FAM120B: variants seen among roughly 807,000 people sequenced by gnomAD.
FAM120B encodes constitutive coactivator of peroxisome proliferator-activated receptor gamma.
FAM120B carries 83 observed loss-of-function variants against 96.3 expected under a neutral mutation model. The observed-to-expected ratio is 0.86, with a 90% CI of 0.72 to 1.03. FAM120B has a LOEUF of 1.03. Ranked by LOEUF, FAM120B falls within the 50% of genes least tolerant of loss-of-function variation. The probability of loss-of-function intolerance (pLI) is 0.00; values close to 1 mark genes in which losing one functional copy is unlikely to be tolerated. For missense variants in FAM120B, 1,027 were observed against 1,121.2 expected (o/e 0.92, Z 1.20); for synonymous variants, 407 against 402.7 (o/e 1.01, Z -0.13).
chr6:170,316,820 G>A (rs1439350754), intron 1 of FAM120B, among the ~76,000 whole-genome samples: 1 of 152,096 alleles, frequency 6.6e-6, no homozygotes, highest in Non-Finnish European at 1.5e-5. Context: ...AATCCTTCCC[G>A]CCACTGTCTG....
At chr6:170,294,690 G>A (rs543969677), upstream of FAM120B, among the ~76,000 whole-genome samples, 2 of 152,002 alleles carry the variant, frequency 1.3e-5, no homozygotes, top group Non-Finnish European at 1.5e-5. This position sits in a 1 kb window ranked among gnomAD's most constrained non-coding sequence, Gnocchi z 7.9. Context: ...CTCCAGGTTC[G>A]TGTGTGGTGG....
At chr6:170,401,974 C>G (rs1417769876) in intron 9 of FAM120B, among the ~76,000 whole-genome samples, 1 of 152,236 alleles carries the variant, frequency 6.6e-6, no homozygotes, top group African/African-American at 2.4e-5. Flanking sequence ...AAGAGGCACT[C>G]TCTCTTCCCC....
chr6:170,323,110 G>C lies in FAM120B; in HGVS notation c.1766G>C (p.Ser589Thr). The change falls in exon 3 of 11, where the codon AGC becomes ACC. Residue 589 changes from serine to threonine, a missense_variant. Ser to Thr is a moderately conservative substitution (Grantham distance 58, BLOSUM62 1). Transcript: ENST00000476287. ...VARTHHVQAE[S>T]YLVYNIMSSG... ...AGAACACATCACGTCCAAGCAGAAA[G>C]CTACCTGGTGTACAACATCATGAGC... 1 of 1,613,590 alleles carries C rather than the reference G, an allele frequency of 6.2e-7. No homozygotes were observed. Among genetic ancestry groups the C allele is most frequent in the African/African-American group, 1.3e-5 (1 of 75,010 alleles).
chr6:170,380,209 G>A (rs1457593989), intron 6 of FAM120B, among the ~76,000 whole-genome samples: 1 of 151,896 alleles, frequency 6.6e-6, no homozygotes, highest in Non-Finnish European at 1.5e-5. Context: ...TAGCTGAACA[G>A]TATTCCATTT....
At chr6:170,361,206 A>G (rs1308326237) in intron 6 of FAM120B, among the ~76,000 whole-genome samples, 2,134 of 81,096 alleles carry the variant, frequency 0.026, 199 homozygotes, top group African/African-American at 0.093. Context: ...GTGTATATAT[A>G]TATATATATA....
At chr6:170,339,531 G>A (rs1196727783) in intron 4 of FAM120B, among the ~76,000 whole-genome samples, 2 of 152,030 alleles carry the variant, frequency 1.3e-5, no homozygotes, top group Admixed American at 6.6e-5. Context: ...GCTCATGCCT[G>A]TAATCCCAGC....
intron 8 of FAM120B, among the ~76,000 whole-genome samples, chr6:170,392,482 AATCT>A (rs1372133361): frequency 2.6e-5 from 4 of 152,208 alleles, no homozygotes; most frequent in African/African-American, 4.8e-5. Flanking sequence ...GTAGATGAAA[AATCT>A]ATCTCATTGA....
intron 1 of FAM120B, chr6:170,298,362 A>G (rs1389218483): frequency 6.6e-6 from 1 of 152,152 alleles, no homozygotes; most frequent in Non-Finnish European, 1.5e-5. Context: ...TAATCTCAGA[A>G]TGTTAGTTTC....
chr6:170,394,506 G>A (rs1790624276), intron 8 of FAM120B, among the ~76,000 whole-genome samples: 1 of 139,972 alleles, frequency 7.1e-6, no homozygotes, highest in African/African-American at 2.7e-5. Flanking sequence ...CCAGCACAAG[G>A]CCACGCCTCC....
intron 6 of FAM120B, among the ~76,000 whole-genome samples, chr6:170,376,219 A>T: frequency 6.6e-6 from 1 of 151,944 alleles, no homozygotes; most frequent in East Asian, 1.9e-4. Context: ...CAAGGGGAGG[A>T]GGTGATGAAG....
chr6:170,354,154 A>G (rs934838430), intron 5 of FAM120B, among the ~76,000 whole-genome samples: 6 of 152,248 alleles, frequency 3.9e-5, no homozygotes, highest in African/African-American at 1.4e-4. Context: ...CAAACTTGAC[A>G]AAAATAAGCA....
At chr6:170,337,549 T>C (rs540642888) in intron 4 of FAM120B, among the ~76,000 whole-genome samples, 8 of 152,340 alleles carry the variant, frequency 5.3e-5, no homozygotes, top group Non-Finnish European at 1.2e-4. Flanking sequence ...CCTCATAAAA[T>C]GAGTTAGGGA....
chr6:170,320,521 G>A (rs1425677179), intron 2 of FAM120B, among the ~76,000 whole-genome samples: 2 of 152,224 alleles, frequency 1.3e-5, no homozygotes, highest in African/African-American at 4.8e-5. Context: ...TAATAAATAA[G>A]TCTTGCTGTG....
At chr6:170,360,376 G>A (rs142532549) in intron 6 of FAM120B, among the ~76,000 whole-genome samples, 22 of 152,300 alleles carry the variant, frequency 1.4e-4, no homozygotes, top group East Asian at 7.7e-4. Context: ...TCCACACCCC[G>A]TGGATGTGCA....
In FAM120B at chr6:170,363,498, C is replaced by T. The variant is rs562146507; in HGVS notation, c.2283+5180C>T. Among the ~76,000 whole-genome samples, 1 of 152,356 alleles carries T rather than the reference C, an allele frequency of 6.6e-6. No individual in the cohort carries two copies. The highest frequency in any genetic ancestry group is 1.9e-4 in the East Asian group (1 of 5,182). ...GGGGCCTGCTGGGGCGCTCAGAAAA[C>T]AGCAAGCTGTGTGTGCTGTGTTTGT... On this transcript the variant is annotated intron_variant, in intron 6 of 10. Transcript: ENST00000476287. This position sits in a 1 kb window ranked among gnomAD's most constrained non-coding sequence, Gnocchi z 4.5.
chr6:170,344,387 T>C (rs893208641), intron 4 of FAM120B, among the ~76,000 whole-genome samples: 23 of 104,714 alleles, frequency 2.2e-4, no homozygotes, highest in Non-Finnish European at 3.6e-4. Context: ...TTGCCTGCGG[T>C]GCTAGCCTCT....
rs1785005746 is a variant in FAM120B, at chr6:170,317,952, T to G, written c.562T>G (p.Cys188Gly). 1 of 1,613,970 alleles carries G rather than the reference T, an allele frequency of 6.2e-7. No homozygotes were observed. Among genetic ancestry groups the G allele is most frequent in the African/African-American group, 1.3e-5 (1 of 74,918 alleles). ...EDTDYLIYDT[C>G]PYFSISELCL... ...CACTGATTACCTAATCTATGACACT[T>G]GTCCCTACTTTTCAATTAGCGAGCT... The change falls in exon 2 of 11, where the codon TGT becomes GGT. Residue 188 changes from cysteine to glycine, a missense_variant. Transcript: ENST00000476287.
At position 170,318,099 on chromosome 6, in the gene FAM120B, G is replaced by C. The variant is rs758619444; in HGVS notation, c.709G>C (p.Gly237Arg). The change falls in exon 2 of 11, where the codon GGC becomes CGC. Residue 237 changes from glycine (G) to arginine (R), a missense_variant. Gly to Arg is a moderately radical substitution (Grantham distance 125). Transcript: ENST00000476287. ...CLLGNDIIPE[G>R]MFESFRYKCL... ...CCTTGGCAACGACATAATCCCAGAG[G>C]GCATGTTTGAAAGCTTTAGGTACAA... 1 of 1,614,160 alleles carries C rather than the reference G, an allele frequency of 6.2e-7. No homozygotes were observed. The highest frequency in any genetic ancestry group is 8.5e-7 in the Non-Finnish European group (1 of 1,180,042).
At position 170,349,270 on chromosome 6, in the gene FAM120B, C is replaced by G. The variant is rs182641331; in HGVS notation, c.2190+947C>G. 6.3e-4 allele frequency among the ~76,000 whole-genome samples: 96 copies of G among 152,340 alleles called. 1 individual carries two copies. The highest frequency in any genetic ancestry group is 2.2e-3 in the African/African-American group (92 of 41,580). On this transcript the variant is annotated intron_variant, in intron 5 of 10. Transcript: ENST00000476287. ...TCTTCACTCCTTCAAGCCATCGTCT[C>G]AGCTTCTCTGACCTCCCTATATGGT...
Sources: allele counts gnomAD v4.1 joint callset (sites outside exome capture counted in the v4.1 genomes callset), GRCh38; gene constraint gnomAD v4.1.1; non-coding constraint Gnocchi (gnomAD v3.1); transcripts MANE v1.5; gene names NCBI Gene and HGNC (gene_info 2026-07-23, HGNC 2026-07-21).